The following ARHGAP26 variants were observed in gnomAD, a reference collection of about 807,000 sequenced individuals.
ARHGAP26 encodes Rho GTPase activating protein 26.
A neutral mutation model predicts 104.8 loss-of-function variants in ARHGAP26; 38 were observed. The ratio of observed to expected loss-of-function variants is 0.36; its 90% confidence interval spans 0.28 to 0.48. The LOEUF is 0.48. Ranked by LOEUF, ARHGAP26 falls within the 20% of genes least tolerant of loss-of-function variation. The pLI is 0.99. For synonymous variants in ARHGAP26, 341 were observed against 340.0 expected (o/e 1.00, Z -0.03); for missense variants, 704 against 947.9 (o/e 0.74, Z 3.38).
chr5:142,901,155 G>A (rs1760272287), intron 6 of ARHGAP26, among the ~76,000 whole-genome samples: 1 of 152,058 alleles, frequency 6.6e-6, no homozygotes, highest in South Asian at 2.1e-4. Flanking sequence ...AGGCTGGTAG[G>A]GGCTCAGGGA....
chr5:142,824,975 T>G (rs945162802), intron 1 of ARHGAP26, among the ~76,000 whole-genome samples: 15 of 152,212 alleles, frequency 9.9e-5, no homozygotes, highest in Admixed American at 6.5e-4. Flanking sequence ...GGGCAACCAA[T>G]GAAAATGGAT....
chr5:142,888,852 A>G (rs913210024), intron 5 of ARHGAP26, among the ~76,000 whole-genome samples: 3 of 152,244 alleles, frequency 2.0e-5, no homozygotes, highest in African/African-American at 7.2e-5. Context: ...TTTCATGGAA[A>G]TTACAATCTA....
intron 12 of ARHGAP26, among the ~76,000 whole-genome samples, chr5:143,029,180 T>A (rs1781492447): frequency 6.6e-6 from 1 of 152,166 alleles, no homozygotes; most frequent in Non-Finnish European, 1.5e-5. Flanking sequence ...TTCATTTCAA[T>A]GTGGGTGGTT....
At chr5:143,105,465 A>G (rs1599034960) in intron 17 of ARHGAP26, among the ~76,000 whole-genome samples, 1 of 152,152 alleles carries the variant, frequency 6.6e-6, no homozygotes, top group East Asian at 1.9e-4. Context: ...ACATTAGCTA[A>G]TGTCATTACA....
At chr5:143,097,872 A>ATTT (rs1792639564) in intron 17 of ARHGAP26, among the ~76,000 whole-genome samples, 1 of 151,826 alleles carries the variant, frequency 6.6e-6, no homozygotes, top group African/African-American at 2.4e-5. Context: ...GATGTCTAAG[A>ATTT]TTTTTTAATT....
chr5:142,909,283 G>A (rs1318011239), intron 9 of ARHGAP26, among the ~76,000 whole-genome samples: 26 of 152,210 alleles, frequency 1.7e-4, no homozygotes, highest in Admixed American at 1.3e-3. Context: ...TGTCTAACCT[G>A]TCGATAAACT....
Position 143,174,260 on chromosome 5 carries a change from T to C in ARHGAP26, c.1988+26879T>C, listed in dbSNP as rs79628172. On this transcript the variant is annotated intron_variant, in intron 20 of 22. Coordinates refer to ENST00000645722, the MANE Select transcript of ARHGAP26 (RefSeq NM_001135608.3). Reference sequence around the variant, plus strand: ...TACATCTCCACAATGGCATGCTACATAGCCACTAAGAAAGAACGAGGAGGC... The same window carrying C: ...TACATCTCCACAATGGCATGCTACACAGCCACTAAGAAAGAACGAGGAGGC... 7.2e-3 allele frequency among the ~76,000 whole-genome samples: 1,099 copies of C among 152,316 alleles called. 10 individuals are homozygous for C. Among genetic ancestry groups the C allele is most frequent in the Non-Finnish European group, 9.3e-3 (632 of 68,020 alleles).
intron 11 of ARHGAP26, among the ~76,000 whole-genome samples, chr5:142,956,807 G>A (rs778893197): frequency 1.3e-5 from 2 of 152,250 alleles, no homozygotes; most frequent in Admixed American, 6.5e-5. Flanking sequence ...AGGGTGAAAG[G>A]CACTTCTTAC....
chr5:142,908,430 T>C (rs1031987709), intron 9 of ARHGAP26, among the ~76,000 whole-genome samples: 1 of 152,192 alleles, frequency 6.6e-6, no homozygotes, highest in African/African-American at 2.4e-5. Flanking sequence ...ATCCTTTTCT[T>C]CCCTTTTCCC....
At chr5:142,786,323 G>A (rs1758622741) in intron 1 of ARHGAP26, among the ~76,000 whole-genome samples, 1 of 151,744 alleles carries the variant, frequency 6.6e-6, no homozygotes, top group African/African-American at 2.4e-5. Context: ...AAGAGTTGGG[G>A]TCTTCCTTTA....
chr5:143,074,963 G>T (rs1788781889), intron 17 of ARHGAP26, among the ~76,000 whole-genome samples: 1 of 152,254 alleles, frequency 6.6e-6, no homozygotes, highest in Admixed American at 6.5e-5. Context: ...AGCTCTGTGT[G>T]CTGGTGCCAA....
At chr5:142,997,163 TAC>T (rs776380933) in intron 11 of ARHGAP26, among the ~76,000 whole-genome samples, 17 of 152,316 alleles carry the variant, frequency 1.1e-4, no homozygotes, top group South Asian at 8.3e-4. Context: ...TATATATATA[TAC>T]ACACACGTAT....
At chr5:143,153,025 C>T (rs868739670) in intron 20 of ARHGAP26, among the ~76,000 whole-genome samples, 6 of 152,076 alleles carry the variant, frequency 3.9e-5, no homozygotes, top group South Asian at 2.1e-4. Flanking sequence ...TTTGTGACCG[C>T]GGAGTCATGG....
chr5:142,856,675 T>G (rs1752401626), intron 1 of ARHGAP26, among the ~76,000 whole-genome samples: 1 of 152,248 alleles, frequency 6.6e-6, no homozygotes, highest in South Asian at 2.1e-4. Context: ...TTTTTTCTTT[T>G]TTCTACTCTC....
intron 22 of ARHGAP26, among the ~76,000 whole-genome samples, chr5:143,216,966 A>T (rs1209756780): frequency 6.6e-6 from 1 of 152,078 alleles, no homozygotes; most frequent in African/African-American, 2.4e-5. Flanking sequence ...ATTACAGAAC[A>T]CTATTATTCT....
At chr5:143,011,857 ATGAATGT>A (rs1778801100) in intron 11 of ARHGAP26, among the ~76,000 whole-genome samples, 1 of 152,128 alleles carries the variant, frequency 6.6e-6, no homozygotes, top group Non-Finnish European at 1.5e-5. Flanking sequence ...CTCAAATTCC[ATGAATGT>A]TAAGCATTTC....
chr5:142,812,841 A>G (rs919219746), intron 1 of ARHGAP26, among the ~76,000 whole-genome samples: 4 of 152,146 alleles, frequency 2.6e-5, no homozygotes, highest in Admixed American at 1.3e-4. Context: ...TCTGGCTCCT[A>G]AAACAGGGGT....
intron 17 of ARHGAP26, among the ~76,000 whole-genome samples, chr5:143,115,304 G>C (rs1237438143): frequency 6.6e-6 from 1 of 151,480 alleles, no homozygotes; most frequent in Non-Finnish European, 1.5e-5. Context: ...TTGCACTCCA[G>C]CCTGCACGAC....
At chr5:142,968,879 T>G (rs1771811685) in intron 11 of ARHGAP26, among the ~76,000 whole-genome samples, 1 of 152,260 alleles carries the variant, frequency 6.6e-6, no homozygotes, top group Non-Finnish European at 1.5e-5. Context: ...ATGAATTGTG[T>G]TGATTCCATT....
Sources: allele counts gnomAD v4.1 joint callset (sites outside exome capture counted in the v4.1 genomes callset), GRCh38; gene constraint gnomAD v4.1.1; transcripts MANE v1.5; gene names NCBI Gene and HGNC (gene_info 2026-07-23, HGNC 2026-07-21).